Variants in R3HCC1L observed in about 807,000 individuals in gnomAD.
R3HCC1L encodes the protein R3H domain and coiled-coil containing 1 like, also known as coiled-coil domain-containing protein R3HCC1L.
A neutral mutation model predicts 59.9 loss-of-function variants in R3HCC1L; 51 were observed. That is an observed-to-expected ratio of 0.85 (90% CI 0.68 to 1.07). The LOEUF is 1.07. R3HCC1L is among the 50% of genes least tolerant of loss of function. The pLI is 0.00. For missense variants in R3HCC1L, 965 were observed against 933.0 expected, an observed-to-expected ratio of 1.03 and a Z score of -0.45; for synonymous variants, 322 against 315.2, an observed-to-expected ratio of 1.02 and a Z score of -0.23.
intron 2 of R3HCC1L, among the ~76,000 whole-genome samples, chr10:98,156,439 T>C (rs1320890084): frequency 6.6e-6 from 1 of 152,198 alleles, no homozygotes; most frequent in African/African-American, 2.4e-5. Flanking sequence ...TTCACTTCTC[T>C]CTTGTGTTGG....
At chr10:98,149,172 T>C (rs1845924345) in intron 1 of R3HCC1L, among the ~76,000 whole-genome samples, 1 of 152,200 alleles carries the variant, frequency 6.6e-6, no homozygotes, top group Non-Finnish European at 1.5e-5. Flanking sequence ...AATAATAGTC[T>C]CTAATGATTC....
At chr10:98,210,375 A>T (rs940904202) in intron 5 of R3HCC1L, among the ~76,000 whole-genome samples, 2 of 152,212 alleles carry the variant, frequency 1.3e-5, no homozygotes, top group Admixed American at 1.3e-4. Flanking sequence ...AGGAGTTTAT[A>T]CTGGGTTAAA....
Position 98,172,442 on chromosome 10 carries a change from A to G in R3HCC1L, c.-15+9045A>G, listed in dbSNP as rs146943708. On this transcript the variant is annotated intron_variant, in intron 4 of 9. Coordinates refer to ENST00000298999, the MANE Select transcript of R3HCC1L (RefSeq NM_001351015.2). ...TAGGATTTCTGTTCTAGAGGTTTACACTGCAAGTAACTTAACTTGATTGTG... is the reference window on the plus strand; with the variant it reads ...TAGGATTTCTGTTCTAGAGGTTTACGCTGCAAGTAACTTAACTTGATTGTG... Among the ~76,000 whole-genome samples the G allele has an allele frequency of 6.6e-5, 10 of 152,346 alleles. No individual in the cohort carries two copies. In the East Asian group the frequency reaches 1.7e-3, roughly 26 times the overall value.
chr10:98,244,450 G>T lies in R3HCC1L; in HGVS notation c.*292G>T. 1 of 291,626 alleles carries T rather than the reference G, an allele frequency of 3.4e-6. No homozygotes were observed. The highest frequency in any genetic ancestry group is 6.6e-5 in the East Asian group (1 of 15,146). The allele number at this position is 291,626 out of a possible 1,614,324, so 18.1% of individuals were successfully genotyped here. A position where few individuals can be genotyped will look rare whatever the true frequency, so the allele number is the denominator to read the frequency against. ...TGCCTGGACAGGGCAAGTCATGTTA[G>T]CGTGGGTCACACTTCCAAGATATTT... On this transcript the variant is annotated 3_prime_UTR_variant, in exon 10 of 10. Transcript: ENST00000298999.
intron 8 of R3HCC1L, 131 bp downstream of exon 8, chr10:98,235,651 A>G (rs1856850663): frequency 2.6e-6 from 2 of 775,392 alleles, no homozygotes; most frequent in Admixed American, 6.9e-5. Context: ...TATGTTTTTA[A>G]GAAAAAATAA....
intron 5 of R3HCC1L, chr10:98,211,216 T>C: frequency 2.7e-6 from 2 of 753,708 alleles, no homozygotes; most frequent in African/African-American, 1.8e-5. Context: ...CAAAGTATGG[T>C]CCCTAGACCA....
chr10:98,137,895 A>T (rs975845493), intron 1 of R3HCC1L, among the ~76,000 whole-genome samples: 95 of 151,642 alleles, frequency 6.3e-4, no homozygotes, highest in Admixed American at 2.4e-3. Context: ...TTTTATTTTT[A>T]TTTTTTTTAA....
At chr10:98,230,454 A>G (rs917942643) in intron 5 of R3HCC1L, among the ~76,000 whole-genome samples, 5 of 151,764 alleles carry the variant, frequency 3.3e-5, no homozygotes, top group Admixed American at 6.6e-5. Flanking sequence ...TTTTGCGTCT[A>G]TTTGATTCTT....
intron 5 of R3HCC1L, chr10:98,230,885 CT>C (rs1002265771): frequency 2.4e-5 from 4 of 167,086 alleles, no homozygotes; most frequent in African/African-American, 9.6e-5. Flanking sequence ...TTTGTTACCT[CT>C]TTTATTAATT....
Position 98,174,782 on chromosome 10 carries a change from A to G in R3HCC1L, c.-15+11385A>G, listed in dbSNP as rs1052239922. 3 of 976,396 alleles carry G rather than the reference A, an allele frequency of 3.1e-6. No homozygotes were observed. The African/African-American group carries it at 5.3e-5, about 17-fold the overall frequency. 60.5% of individuals were successfully genotyped at this position (976,396 alleles called of 1,614,324 possible). ...TAAATGCAAGGTAAGCCTAGTTTAT[A>G]TATTGTATGCTCTGGTGAATCTAAG... On this transcript the variant is annotated intron_variant, in intron 4 of 9. Transcript: ENST00000298999.
At chr10:98,183,020 T>C (rs552323977) in intron 4 of R3HCC1L, among the ~76,000 whole-genome samples, 20 of 152,164 alleles carry the variant, frequency 1.3e-4, no homozygotes, top group Non-Finnish European at 2.4e-4. Context: ...CCCACCCTGC[T>C]TCAGCTCACC....
chr10:98,226,850 A>C (rs958832169), intron 5 of R3HCC1L, among the ~76,000 whole-genome samples: 1 of 152,240 alleles, frequency 6.6e-6, no homozygotes, highest in African/African-American at 2.4e-5. Flanking sequence ...TGTGGTGATC[A>C]CTTCTTCCAG....
At chr10:98,231,103 A>G in intron 5 of R3HCC1L, 1 of 387,402 alleles carries the variant, frequency 2.6e-6, no homozygotes. Context: ...TCACTTCCAG[A>G]AAAGAAACTA....
chr10:98,174,794 C>G (rs759409000), intron 4 of R3HCC1L: 1 of 969,618 alleles, frequency 1.0e-6, no homozygotes, highest in Non-Finnish European at 1.2e-6. Flanking sequence ...ATTGTATGCT[C>G]TGGTGAATCT....
intron 9 of R3HCC1L, among the ~76,000 whole-genome samples, chr10:98,236,429 C>T (rs1856969924): frequency 6.6e-6 from 1 of 152,132 alleles, no homozygotes; most frequent in African/African-American, 2.4e-5. Flanking sequence ...TCATCCATGG[C>T]TTTTCCTACA....
chr10:98,230,908 C>G (rs1856303772), intron 5 of R3HCC1L: 1 of 179,976 alleles, frequency 5.6e-6, no homozygotes, highest in Admixed American at 5.9e-5. Flanking sequence ...CTTCACTAGC[C>G]TGCTATATGC....
intron 1 of R3HCC1L, among the ~76,000 whole-genome samples, chr10:98,155,160 C>G (rs1846721012): frequency 6.6e-6 from 1 of 152,104 alleles, no homozygotes; most frequent in Non-Finnish European, 1.5e-5. Flanking sequence ...TAATCTGTCT[C>G]TGTCCTTTTA....
chr10:98,227,743 C>T (rs977555177), intron 5 of R3HCC1L, among the ~76,000 whole-genome samples: 4 of 151,802 alleles, frequency 2.6e-5, no homozygotes, highest in Non-Finnish European at 5.9e-5. Flanking sequence ...TCCCCCACCC[C>T]ACAACAGGCC....
At position 98,208,231 on chromosome 10, in the gene R3HCC1L, C is replaced by T. The variant is rs756463875; in HGVS notation, c.117C>T (p.Ser39=). 2 of 1,614,038 alleles carry T rather than the reference C, an allele frequency of 1.2e-6. No individual in the cohort carries two copies. Among genetic ancestry groups the T allele is most frequent in the Admixed American group, 3.3e-5 (2 of 60,014 alleles). ...TTAAGACAGGTGATGAAGAAGAAAG[C>T]TGTGGTTCACCTAACTCTGTGGTGA... is the stretch of plus-strand genomic sequence containing the variant. The part of the protein sequence containing the change: ...VLLKTGDEEE[S]CGSPNSVVKE... Residue 39 remains serine (S), a synonymous_variant, in exon 5 of 10, where the codon AGC becomes AGT. Coordinates refer to ENST00000298999, the MANE Select transcript of R3HCC1L (RefSeq NM_001351015.2).
Sources: allele counts gnomAD v4.1 joint callset (sites outside exome capture counted in the v4.1 genomes callset), GRCh38; gene constraint gnomAD v4.1.1; transcripts MANE v1.5; gene names NCBI Gene and HGNC (gene_info 2026-07-23, HGNC 2026-07-21).